SNUPN: variants seen among roughly 807,000 people sequenced by gnomAD.
The protein encoded by SNUPN is snurportin 1.
In SNUPN, 31 loss-of-function variants were observed where a neutral mutation model predicts 39.2. The observed-to-expected ratio is 0.79, with a 90% CI of 0.59 to 1.07. The LOEUF (loss-of-function observed/expected upper bound fraction) is 1.07. Ranked by LOEUF, SNUPN falls within the 50% of genes least tolerant of loss-of-function variation. SNUPN has a pLI of 0.00. For missense variants in SNUPN, 382 were observed against 434.2 expected (o/e 0.88, Z 1.07); for synonymous variants, 132 against 159.0 (o/e 0.83, Z 1.28).
chr15:75,623,433 GC>G (rs1893125715), intron 1 of SNUPN, among the ~76,000 whole-genome samples: 1 of 145,498 alleles, frequency 6.9e-6, no homozygotes, highest in African/African-American at 2.6e-5. Flanking sequence ...ACAGGTGTGA[GC>G]CACCACGCCC....
intron 3 of SNUPN, among the ~76,000 whole-genome samples, chr15:75,614,790 C>T (rs1892883378): frequency 6.6e-6 from 1 of 152,166 alleles, no homozygotes; most frequent in African/African-American, 2.4e-5. Flanking sequence ...ATATAACTGT[C>T]TAAAAAATAG....
chr15:75,605,305 AT>A (rs372246427), intron 6 of SNUPN, 78 bp from the exon 7 acceptor site: 138,935 of 535,384 alleles, frequency 0.26, 1,797 homozygotes, highest in Non-Finnish European at 0.28. Flanking sequence ...ACCCCATGCT[AT>A]TTTTTTTTTT....
chr15:75,617,592 CTT>C (rs749989241), intron 2 of SNUPN, 40 bp from the exon 3 acceptor site: 2,339 of 1,305,736 alleles, frequency 1.8e-3, no homozygotes, highest in Admixed American at 3.0e-3. Context: ...ATCTTTTCTT[CTT>C]TTTTTTTTTT....
chr15:75,602,350 A>AC (rs1265512662), intron 7 of SNUPN, among the ~76,000 whole-genome samples: 1 of 151,860 alleles, frequency 6.6e-6, no homozygotes, highest in Non-Finnish European at 1.5e-5. Context: ...ATATGGCGAA[A>AC]CCCCGTCTCT....
chr15:75,603,484 ACC>A (rs1177089118), intron 7 of SNUPN, among the ~76,000 whole-genome samples: 1 of 141,446 alleles, frequency 7.1e-6, no homozygotes, highest in Non-Finnish European at 1.5e-5. Context: ...ACACAGTGAA[ACC>A]CCGTCTCTAC....
rs767833050 is a variant in SNUPN, at chr15:75,617,432, CT to C, written c.278del (p.Lys93SerfsTer10). 1 of 1,614,086 alleles carries C rather than the reference CT, an allele frequency of 6.2e-7. No homozygotes were observed. The highest frequency in any genetic ancestry group is 1.1e-5 in the South Asian group (1 of 91,068). ...DEEMDIDTVK[K>X]LPKHYANQLM... is the part of the protein sequence containing the mutation. Reference sequence around the variant, plus strand: ...CTTGATTAGCATAGTGTTTTGGTAACTTCTTGACAGTGTCAATGTCCATTTC... The same window carrying C: ...CTTGATTAGCATAGTGTTTTGGTAACTCTTGACAGTGTCAATGTCCATTTC... On this transcript the variant is annotated frameshift_variant, in exon 3 of 9. Transcript: ENST00000308588. LOFTEE classifies it high-confidence loss of function.
intron 1 of SNUPN, among the ~76,000 whole-genome samples, chr15:75,623,962 C>T (rs1449706633): frequency 3.1e-5 from 4 of 130,058 alleles, no homozygotes; most frequent in Non-Finnish European, 6.3e-5. Flanking sequence ...GAGTCTCGCT[C>T]TGTCGCCCAG....
intron 2 of SNUPN, among the ~76,000 whole-genome samples, chr15:75,620,074 C>T (rs1466867904): frequency 6.6e-6 from 1 of 152,066 alleles, no homozygotes; most frequent in Non-Finnish European, 1.5e-5. Context: ...AAATTTTCAA[C>T]CATACAAATG....
At chr15:75,605,267 C>T in intron 6 of SNUPN, 40 bp from the exon 7 acceptor site, 1 of 1,393,048 alleles carries the variant, frequency 7.2e-7, no homozygotes, top group Non-Finnish European at 1.0e-6. Context: ...AAATACTTTC[C>T]ATTTCAAACT....
At chr15:75,613,574 C>A (rs1892853039) in intron 3 of SNUPN, among the ~76,000 whole-genome samples, 1 of 143,052 alleles carries the variant, frequency 7.0e-6, no homozygotes, top group African/African-American at 2.6e-5. Context: ...ACCTGGGAGG[C>A]AGAGGTTGTA....
chr15:75,609,557 C>T lies in SNUPN; in HGVS notation c.502+1G>A, dbSNP rs781055606. 6.2e-7 allele frequency: 1 copy of T among 1,610,680 alleles called. No homozygotes were observed. The highest frequency in any genetic ancestry group is 8.5e-7 in the Non-Finnish European group (1 of 1,176,848). ...AATAAGTAGACACTCTATGTAGGTA[C>T]CTTTTGCTGTTGAGTTTCGCCTGTT... On this transcript the variant is annotated splice_donor_variant, in intron 5 of 8. Transcript: ENST00000308588. LOFTEE classifies it high-confidence loss of function.
At chr15:75,604,628 T>C (rs746069293) in intron 7 of SNUPN, among the ~76,000 whole-genome samples, 2 of 152,244 alleles carry the variant, frequency 1.3e-5, no homozygotes, top group Non-Finnish European at 2.9e-5. Context: ...TTGGTTCTTA[T>C]AACAACCCTG....
chr15:75,613,085 G>A lies in SNUPN; in HGVS notation c.304-3091C>T, dbSNP rs192234231. 1.3e-4 allele frequency among the ~76,000 whole-genome samples: 20 copies of A among 151,942 alleles called. No individual in the cohort carries two copies. In the East Asian group the frequency reaches 2.9e-3, roughly 22 times the overall value. On this transcript the variant is annotated intron_variant, in intron 3 of 8. Coordinates refer to ENST00000308588, the MANE Select transcript of SNUPN (RefSeq NM_005701.4). ...ATCCTGGCTAACACAGTGAAACCTC[G>A]TCTCTACTGAAAATACAAAAAAAAT... is the stretch of plus-strand genomic sequence containing the variant.
rs1490302525 is a variant in SNUPN, at chr15:75,605,148, A to C, written c.678+2T>G. On this transcript the variant is annotated splice_donor_variant, in intron 7 of 8. Transcript: ENST00000308588. LOFTEE classifies it high-confidence loss of function. Reference sequence around the variant, plus strand: ...CTCAGTGATCCTAACACCAGGCCTTACAGGATTAAGCTTGGTTTTCTCTCC... The same window carrying C: ...CTCAGTGATCCTAACACCAGGCCTTCCAGGATTAAGCTTGGTTTTCTCTCC... The C allele has an allele frequency of 6.2e-7, 1 of 1,606,060 alleles. No homozygotes were observed. The highest frequency in any genetic ancestry group is 1.7e-5 in the Admixed American group (1 of 59,896).
At chr15:75,611,712 A>G (rs1892787399) in intron 3 of SNUPN, among the ~76,000 whole-genome samples, 1 of 151,764 alleles carries the variant, frequency 6.6e-6, no homozygotes, top group African/African-American at 2.4e-5. Flanking sequence ...AAAATTAGCC[A>G]GGCGTGGTGG....
intron 6 of SNUPN, among the ~76,000 whole-genome samples, chr15:75,606,571 G>A (rs915300431): frequency 4.6e-5 from 7 of 152,138 alleles, no homozygotes; most frequent in African/African-American, 1.7e-4. Flanking sequence ...GGAGGCCGGT[G>A]GGGCTCACTC....
At chr15:75,599,064 G>C (rs2075264869) in intron 8 of SNUPN, among the ~76,000 whole-genome samples, 2 of 151,900 alleles carry the variant, frequency 1.3e-5, no homozygotes, top group African/African-American at 4.8e-5. Context: ...AGCTACTCGG[G>C]TGTCTGAGAC....
intron 1 of SNUPN, 39 bp from the exon 2 acceptor site, chr15:75,621,095 A>T: frequency 6.3e-7 from 1 of 1,599,488 alleles, no homozygotes; most frequent in Non-Finnish European, 8.6e-7. Context: ...CATTCATTTC[A>T]TATCATCTCC....
In SNUPN at chr15:75,598,637, G is replaced by A. The variant is rs770502736; in HGVS notation, c.804C>T (p.Pro268=). The A allele has an allele frequency of 5.6e-6, 9 of 1,611,408 alleles. No individual in the cohort carries two copies. Among genetic ancestry groups the A allele is most frequent in the African/African-American group, 1.3e-5 (1 of 75,016 alleles). The change falls in exon 9 of 9, where the codon CCC becomes CCT. Residue 268 remains proline (P), a synonymous_variant. Transcript: ENST00000308588. ...GCCAGCCCACCAAGGGAGTGCTTCC[G>A]GGGCTGTAGTGGGTCTGTTTGTGGT... ...LFYHKQTHYS[P]GSTPLVGWLR... is the part of the protein sequence containing the mutation.
Sources: gnomAD v4.1 joint callset for allele counts (sites outside exome capture counted in the v4.1 genomes callset) on GRCh38, gnomAD v4.1.1 for gene constraint, MANE v1.5 for transcripts, NCBI Gene and HGNC (gene_info 2026-07-23, HGNC 2026-07-21) for gene names.